The following TMEM43 variants were observed in gnomAD, a reference collection of about 807,000 sequenced individuals.
TMEM43 encodes the protein arrhythmogenic right ventricular dysplasia 5.
A neutral mutation model predicts 49.6 loss-of-function variants in TMEM43; 45 were observed. The observed-to-expected ratio is 0.91, with a 90% CI of 0.71 to 1.16. The LOEUF is 1.16. Among genes scored for constraint, TMEM43 ranks in the 50% most tolerant of loss-of-function variants. TMEM43 has a pLI of 0.00. For missense variants in TMEM43, 532 were observed against 516.6 expected (o/e 1.03, Z -0.29); for synonymous variants, 199 against 207.8 (o/e 0.96, Z 0.36).
rs1210733212 is a variant in TMEM43, at chr3:14,125,108, A to G, written c.-86A>G. On this transcript the variant is annotated 5_prime_UTR_variant, in exon 1 of 12. Coordinates refer to ENST00000306077, the MANE Select transcript of TMEM43 (RefSeq NM_024334.3). ...GCGGATTTTCGAAGCTGGGGCTGGCAAGAGGCCGCTGGACACCACGCTCCA... is the reference window on the plus strand; with the variant it reads ...GCGGATTTTCGAAGCTGGGGCTGGCGAGAGGCCGCTGGACACCACGCTCCA... The G allele has an allele frequency of 1.9e-6, 3 of 1,569,292 alleles. No individual in the cohort carries two copies. The highest frequency in any genetic ancestry group is 2.6e-6 in the Non-Finnish European group (3 of 1,153,532).
intron 11 of TMEM43, among the ~76,000 whole-genome samples, 170 bp from the exon 12 acceptor site, chr3:14,141,423 T>C (rs976219937): frequency 6.6e-6 from 1 of 152,248 alleles, no homozygotes; most frequent in Non-Finnish European, 1.5e-5. Context: ...CAGAGGCTCC[T>C]GTGCTCCCTT....
In TMEM43 at chr3:14,132,556, G is replaced by T; in HGVS notation, c.403G>T (p.Glu135Ter). Reference protein sequence around the residue: ...VETEESREYTEDGQVKKETRY... With the variant: ...VETEESREYT The stretch of plus-strand genomic sequence containing the variant: ...TTGCTTTCCCTGCAGGGAGTACACC[G>T]AGGATGGGCAGGTGAAGAAGGAGAC... The change falls in exon 5 of 12, where the codon GAG (glutamate) becomes TAG (stop). Residue 135 changes from glutamate (E) to a stop codon, truncating the protein, a stop_gained. Coordinates refer to ENST00000306077, the MANE Select transcript of TMEM43 (RefSeq NM_024334.3). LOFTEE classifies it high-confidence loss of function. 6.2e-7 allele frequency: 1 copy of T among 1,614,148 alleles called. No homozygotes were observed. The highest frequency in any genetic ancestry group is 8.5e-7 in the Non-Finnish European group (1 of 1,180,014).
chr3:14,138,944 G>C (rs1220570070), intron 10 of TMEM43, among the ~76,000 whole-genome samples: 1 of 152,198 alleles, frequency 6.6e-6, no homozygotes, highest in Admixed American at 6.5e-5. Flanking sequence ...CCAGGTGCTG[G>C]CAGGCTCTGA....
chr3:14,131,311 A>G (rs1416168247), intron 3 of TMEM43, among the ~76,000 whole-genome samples: 1 of 152,214 alleles, frequency 6.6e-6, no homozygotes, highest in Non-Finnish European at 1.5e-5. Context: ...CTTTCCTGTT[A>G]TTTGAACACC....
chr3:14,138,288 G>C (rs1695197794), intron 10 of TMEM43, among the ~76,000 whole-genome samples: 1 of 152,214 alleles, frequency 6.6e-6, no homozygotes, highest in South Asian at 2.1e-4. Flanking sequence ...CAGGGTCAGG[G>C]CACTGGCAGC....
intron 1 of TMEM43, among the ~76,000 whole-genome samples, chr3:14,128,139 C>T (rs192347944): frequency 3.8e-4 from 58 of 152,310 alleles, no homozygotes; most frequent in African/African-American, 1.3e-3. Flanking sequence ...TGCCCAAGAC[C>T]CCGTAGCTGG....
At chr3:14,135,087 G>C in intron 8 of TMEM43, 71 bp from the exon 9 acceptor site, 1 of 1,518,014 alleles carries the variant, frequency 6.6e-7, no homozygotes, top group Non-Finnish European at 9.1e-7. Context: ...GGGCGTAGCC[G>C]AGGCATCCTG....
In TMEM43 at chr3:14,132,864, A is replaced by G; in HGVS notation, c.443-2A>G. ...TCTGAGTTGATTCCTCTCCCTGAGC[A>G]GACACTGAATGGAGGTCAGAAATCA... On this transcript the variant is annotated splice_acceptor_variant, in intron 5 of 11. Coordinates refer to ENST00000306077, the MANE Select transcript of TMEM43 (RefSeq NM_024334.3). LOFTEE classifies it high-confidence loss of function. The G allele has an allele frequency of 6.2e-7, 1 of 1,614,024 alleles. No homozygotes were observed. The highest frequency in any genetic ancestry group is 2.2e-5 in the East Asian group (1 of 44,884).
chr3:14,136,925 G>A (rs1695177813), intron 10 of TMEM43, among the ~76,000 whole-genome samples: 1 of 149,354 alleles, frequency 6.7e-6, no homozygotes, highest in South Asian at 2.1e-4. Context: ...CTTCTCTGCA[G>A]CAGAAGAATT....
At position 14,136,924 on chromosome 3, in the gene TMEM43, A is replaced by C. The variant is rs565139402; in HGVS notation, c.882+1016A>C. Among the ~76,000 whole-genome samples the C allele has an allele frequency of 1.7e-4, 25 of 149,512 alleles. 1 individual carries two copies. The highest frequency in any genetic ancestry group is 6.0e-4 in the African/African-American group (24 of 39,866). ...CTCTAGGCAGGCAATCCTTCTCTGC[A>C]GCAGAAGAATTGAGTCTTTAGTTTT... On this transcript the variant is annotated intron_variant, in intron 10 of 11. Transcript: ENST00000306077.
In TMEM43 at chr3:14,142,008, T is replaced by G. The variant is rs1574942329; in HGVS notation, c.*213T>G. The G allele has an allele frequency of 3.5e-5, 21 of 592,310 alleles. No individual in the cohort carries two copies. The South Asian group carries it at 4.3e-4, about 12-fold the overall frequency. The allele number at this position is 592,310 out of a possible 1,614,324, so 36.7% of individuals were successfully genotyped here. Reference sequence around the variant, plus strand: ...ACATCTCTTCTTGCCAGTAAGCAGCTTTGGTGGGCAGCAGCAGCTCATGAA... The same window carrying G: ...ACATCTCTTCTTGCCAGTAAGCAGCGTTGGTGGGCAGCAGCAGCTCATGAA... On this transcript the variant is annotated 3_prime_UTR_variant, in exon 12 of 12. Transcript: ENST00000306077.
intron 1 of TMEM43, among the ~76,000 whole-genome samples, chr3:14,128,181 C>T (rs1211185599): frequency 2.0e-5 from 3 of 152,182 alleles, no homozygotes; most frequent in Admixed American, 6.5e-5. Flanking sequence ...AAACCCAGTT[C>T]TTCTGGCTCC....
chr3:14,129,307 TAAAAAAAAAA>T (rs10648308), intron 1 of TMEM43, 95 bp from the exon 2 acceptor site: 52 of 380,668 alleles, frequency 1.4e-4, no homozygotes, highest in South Asian at 9.1e-4. Context: ...CAGTTAAAAC[TAAAAAAAAAA>T]AAAAAAAAAA....
At position 14,142,756 on chromosome 3, in the gene TMEM43, T is replaced by C. The variant is rs761608776; in HGVS notation, c.*961T>C. On this transcript the variant is annotated 3_prime_UTR_variant, in exon 12 of 12. Coordinates refer to ENST00000306077, the MANE Select transcript of TMEM43 (RefSeq NM_024334.3). ...AAACAAGTATCAGCAAAAGGATTTG[T>C]TTTCACTCTGGGAGGAGAGGGTGGA... is the stretch of plus-strand genomic sequence containing the variant. 6.6e-6 allele frequency: 1 copy of C among 152,630 alleles called. No individual in the cohort carries two copies. The highest frequency in any genetic ancestry group is 6.5e-5 in the Admixed American group (1 of 15,274). 9.5% of individuals were successfully genotyped at this position (152,630 alleles called of 1,614,324 possible). A position where few individuals can be genotyped will look rare whatever the true frequency, so the allele number is the denominator to read the frequency against.
intron 2 of TMEM43, among the ~76,000 whole-genome samples, chr3:14,130,499 TA>T (rs903396272): frequency 1.3e-5 from 2 of 151,210 alleles, no homozygotes; most frequent in Admixed American, 6.6e-5. Flanking sequence ...AAAATAAAAT[TA>T]AAAAAAAGAA....
chr3:14,129,673 GAGAA>G (rs1223449031), intron 2 of TMEM43, 112 bp downstream of exon 2: 1 of 1,157,674 alleles, frequency 8.6e-7, no homozygotes. Context: ...ATTTTAAAAA[GAGAA>G]AGGAGGATAC....
chr3:14,132,716 G>A, intron 5 of TMEM43, 121 bp downstream of exon 5: 1 of 1,390,918 alleles, frequency 7.2e-7, no homozygotes, highest in Non-Finnish European at 1.0e-6. Flanking sequence ...GGATCCCTGG[G>A]TGCAAGTCTT....
At chr3:14,136,004 G>A (rs1389472339) in intron 10 of TMEM43, 96 bp downstream of exon 10, 1 of 1,037,582 alleles carries the variant, frequency 9.6e-7, no homozygotes, top group Non-Finnish European at 1.5e-6. Flanking sequence ...AGGGGTCATA[G>A]CCAGTGAATG....
chr3:14,142,487 T>C lies in TMEM43; in HGVS notation c.*692T>C, dbSNP rs1426085198. Reference sequence around the variant, plus strand: ...GATCTCTGAAGGCCCTATTTAAGTTTTTCTTCGTTACTTTGCTGCTTCATG... The same window carrying C: ...GATCTCTGAAGGCCCTATTTAAGTTCTTCTTCGTTACTTTGCTGCTTCATG... On this transcript the variant is annotated 3_prime_UTR_variant, in exon 12 of 12. Coordinates refer to ENST00000306077, the MANE Select transcript of TMEM43 (RefSeq NM_024334.3). 6.5e-6 allele frequency: 1 copy of C among 152,706 alleles called. No individual in the cohort carries two copies. The highest frequency in any genetic ancestry group is 2.4e-5 in the African/African-American group (1 of 41,464). The allele number at this position is 152,706 out of a possible 1,614,324, so 9.5% of individuals were successfully genotyped here.
Sources: allele counts gnomAD v4.1 joint callset (sites outside exome capture counted in the v4.1 genomes callset), GRCh38; gene constraint gnomAD v4.1.1; transcripts MANE v1.5; gene names NCBI Gene and HGNC (gene_info 2026-07-23, HGNC 2026-07-21).